The following TBC1D22A variants were observed in gnomAD, a reference collection of about 807,000 sequenced individuals.
TBC1D22A encodes the protein TBC1 domain family member 22A.
In TBC1D22A, 38 loss-of-function variants were observed where a neutral mutation model predicts 60.2. The observed-to-expected ratio is 0.63, with a 90% CI of 0.49 to 0.83. TBC1D22A has a LOEUF of 0.83. TBC1D22A is among the 40% of genes least tolerant of loss of function. TBC1D22A has a pLI of 0.00. For missense variants in TBC1D22A, 628 were observed against 701.0 expected, an observed-to-expected ratio of 0.90 and a Z score of 1.18; for synonymous variants, 302 against 281.7, an observed-to-expected ratio of 1.07 and a Z score of -0.72.
Position 46,824,768 on chromosome 22 carries a change from G to A in TBC1D22A, c.637+27148G>A, listed in dbSNP as rs74695716. 9.9e-3 allele frequency among the ~76,000 whole-genome samples: 1,513 copies of A among 152,128 alleles called. 20 individuals carry two copies. Among genetic ancestry groups the A allele is most frequent in the African/African-American group, 0.035 (1,431 of 41,472 alleles). ...GGGGAGGAGGCTTGTTGAGGGACTG[G>A]GTGTGAAGGATGAGGGAAGGAGGGC... is the stretch of plus-strand genomic sequence containing the variant. On this transcript the variant is annotated intron_variant, in intron 4 of 12. Transcript: ENST00000337137.
chr22:46,867,978 A>T (rs1438843433), intron 4 of TBC1D22A, among the ~76,000 whole-genome samples: 1 of 152,192 alleles, frequency 6.6e-6, no homozygotes, highest in Non-Finnish European at 1.5e-5. Context: ...AAAAACCCAC[A>T]GTGTCCAGGA....
chr22:47,066,357 G>A (rs1775888391), intron 11 of TBC1D22A, among the ~76,000 whole-genome samples: 1 of 152,170 alleles, frequency 6.6e-6, no homozygotes, highest in African/African-American at 2.4e-5. Flanking sequence ...GCGTGTGCCG[G>A]GACGTACGTG....
chr22:47,170,686 A>C, intron 12 of TBC1D22A, among the ~76,000 whole-genome samples: 1 of 148,948 alleles, frequency 6.7e-6, no homozygotes, highest in African/African-American at 2.5e-5. Flanking sequence ...GACCAGAGAG[A>C]GGACAGTCCT....
intron 8 of TBC1D22A, among the ~76,000 whole-genome samples, chr22:46,950,131 G>A (rs1314290257): frequency 1.3e-5 from 2 of 152,200 alleles, no homozygotes; most frequent in Non-Finnish European, 2.9e-5. Context: ...TGGAGTGATC[G>A]GTGGTGGCTT....
intron 4 of TBC1D22A, among the ~76,000 whole-genome samples, chr22:46,799,608 T>C (rs1243393803): frequency 6.6e-6 from 1 of 152,234 alleles, no homozygotes; most frequent in Non-Finnish European, 1.5e-5. Context: ...GTGGGGACCA[T>C]GCGTTCCATT....
chr22:46,866,882 A>G (rs1000910239), intron 4 of TBC1D22A, among the ~76,000 whole-genome samples: 5 of 152,224 alleles, frequency 3.3e-5, no homozygotes, highest in African/African-American at 1.2e-4. Flanking sequence ...CAAGGAGTGG[A>G]TTTCTTACCA....
At position 46,995,419 on chromosome 22, in the gene TBC1D22A, C is replaced by T. The variant is rs1004218541; in HGVS notation, c.1126-2215C>T. ...TCTAGGGAAAGAAAAATCCTTAGGG[C>T]CTCGTAGGCATTTTTTGTGTTCTGT... On this transcript the variant is annotated intron_variant, in intron 9 of 12. Coordinates refer to ENST00000337137, the MANE Select transcript of TBC1D22A (RefSeq NM_014346.5). Among the ~76,000 whole-genome samples the T allele has an allele frequency of 2.0e-5, 3 of 152,290 alleles. No individual in the cohort carries two copies. In the East Asian group the frequency reaches 5.8e-4, roughly 29 times the overall value.
intron 1 of TBC1D22A, among the ~76,000 whole-genome samples, chr22:46,776,666 C>T (rs527880686): frequency 2.6e-5 from 4 of 151,916 alleles, no homozygotes; most frequent in South Asian, 2.1e-4. Context: ...GCCAGGATGT[C>T]GGGTGAGAAC....
chr22:46,862,690 C>T (rs1360348414), intron 4 of TBC1D22A, among the ~76,000 whole-genome samples: 5 of 152,184 alleles, frequency 3.3e-5, no homozygotes, highest in Admixed American at 6.5e-5. Flanking sequence ...CATCCAAGGC[C>T]GCAGCCCAGA....
intron 4 of TBC1D22A, among the ~76,000 whole-genome samples, chr22:46,798,013 A>G (rs2084732569): frequency 6.6e-6 from 1 of 152,104 alleles, no homozygotes. Flanking sequence ...GTGGGACTAC[A>G]GGATTGTGCC....
chr22:47,104,655 A>C (rs1232029355), intron 11 of TBC1D22A, among the ~76,000 whole-genome samples: 1 of 148,826 alleles, frequency 6.7e-6, no homozygotes, highest in African/African-American at 2.5e-5. Context: ...AGATCACACC[A>C]TTGCACTCCA....
intron 8 of TBC1D22A, chr22:46,913,562 C>G (rs1480388072): frequency 1.7e-6 from 2 of 1,197,678 alleles, no homozygotes; most frequent in East Asian, 1.2e-4. Flanking sequence ...CTAATCATCT[C>G]TTAAGTAGGG....
At chr22:46,864,005 A>G (rs2066933716) in intron 4 of TBC1D22A, among the ~76,000 whole-genome samples, 1 of 152,190 alleles carries the variant, frequency 6.6e-6, no homozygotes, top group South Asian at 2.1e-4. Context: ...TCACTCAGGT[A>G]GCTGTTTGCC....
chr22:46,768,431 G>A (rs542888770), intron 1 of TBC1D22A, among the ~76,000 whole-genome samples: 162 of 147,184 alleles, frequency 1.1e-3, no homozygotes, highest in African/African-American at 3.9e-3. Flanking sequence ...GTTGCAGTGA[G>A]CCAAGGTCGC....
At chr22:46,780,447 A>G (rs1027297445) in intron 1 of TBC1D22A, among the ~76,000 whole-genome samples, 1 of 152,154 alleles carries the variant, frequency 6.6e-6, no homozygotes, top group African/African-American at 2.4e-5. Context: ...ATTAAAAAAA[A>G]AAAAGCTGTT....
chr22:47,108,464 T>C (rs943205586), intron 11 of TBC1D22A, among the ~76,000 whole-genome samples: 2 of 152,236 alleles, frequency 1.3e-5, no homozygotes, highest in African/African-American at 4.8e-5. Context: ...GTGTATTATA[T>C]GATTCCCTTT....
intron 4 of TBC1D22A, among the ~76,000 whole-genome samples, chr22:46,857,871 C>T (rs995674865): frequency 2.0e-5 from 3 of 152,190 alleles, no homozygotes; most frequent in Non-Finnish European, 4.4e-5. Context: ...TTTATTCATC[C>T]ACTCTTAGTG....
chr22:46,967,067 G>A (rs886739056), intron 8 of TBC1D22A, among the ~76,000 whole-genome samples: 13 of 152,216 alleles, frequency 8.5e-5, no homozygotes, highest in Non-Finnish European at 1.5e-5. Context: ...CCCACCGTAT[G>A]CCCGCACTTG....
intron 11 of TBC1D22A, among the ~76,000 whole-genome samples, chr22:47,043,609 T>C (rs2062923221): frequency 6.6e-6 from 1 of 152,108 alleles, no homozygotes; most frequent in Admixed American, 6.5e-5. Flanking sequence ...TGTTCATCTT[T>C]CCAGGGGAGG....
Sources: gnomAD v4.1 joint callset for allele counts (sites outside exome capture counted in the v4.1 genomes callset) on GRCh38, gnomAD v4.1.1 for gene constraint, MANE v1.5 for transcripts, NCBI Gene and HGNC (gene_info 2026-07-23, HGNC 2026-07-21) for gene names.